SYNE2: variants seen among roughly 807,000 people sequenced by gnomAD.
SYNE2 encodes the protein spectrin repeat containing nuclear envelope protein 2, also known as nesprin-2.
A neutral mutation model predicts 856.3 loss-of-function variants in SYNE2; 431 were observed. That is an observed-to-expected ratio of 0.50 (90% CI 0.47 to 0.55). The LOEUF (loss-of-function observed/expected upper bound fraction) is 0.55. Ranked by LOEUF, SYNE2 falls within the 20% of genes least tolerant of loss-of-function variation. The pLI is 0.00. For synonymous variants in SYNE2, 2,923 were observed against 2,872.3 expected (o/e 1.02, Z -0.56); for missense variants, 8,129 against 8,023.2 (o/e 1.01, Z -0.50).
chr14:64,202,645 A>G (rs1152598), intron 99 of SYNE2, among the ~76,000 whole-genome samples, 156 bp from the exon 100 acceptor site: 2 of 152,124 alleles, frequency 1.3e-5, no homozygotes, highest in Admixed American at 1.3e-4. Context: ...ATCTGGTGAC[A>G]TGAGAGTTGT....
intron 78 of SYNE2, among the ~76,000 whole-genome samples, chr14:64,135,948 G>T (rs1379288248): frequency 6.6e-6 from 1 of 152,254 alleles, no homozygotes; most frequent in South Asian, 2.1e-4. Context: ...GTGTTCAAAT[G>T]CTGGCTCAGC....
chr14:63,992,883 C>G (rs2096679780), intron 21 of SYNE2, among the ~76,000 whole-genome samples: 1 of 152,186 alleles, frequency 6.6e-6, no homozygotes, highest in Non-Finnish European at 1.5e-5. Flanking sequence ...GCAGCCGGTC[C>G]ATAAAAATGT....
intron 1 of SYNE2, among the ~76,000 whole-genome samples, chr14:63,803,907 T>A (rs1888258680): frequency 6.6e-6 from 1 of 152,246 alleles, no homozygotes; most frequent in Non-Finnish European, 1.5e-5. Context: ...GGTCATTCGA[T>A]CATCAGGGCA....
chr14:63,842,131 C>T (rs1890087586), intron 1 of SYNE2, among the ~76,000 whole-genome samples: 1 of 150,276 alleles, frequency 6.7e-6, no homozygotes, highest in Non-Finnish European at 1.5e-5. Context: ...CCGCGCCTGG[C>T]CTTTTTTTGC....
rs1567063963 is a variant in SYNE2 at position 64,017,766 on chromosome 14, C to T, written c.5049+10C>T. 1 of 1,612,680 alleles carries T rather than the reference C, an allele frequency of 6.2e-7. No homozygotes were observed. Among genetic ancestry groups the T allele is most frequent in the Non-Finnish European group, 8.5e-7 (1 of 1,179,012 alleles). ...CAGAGAAAGGCTGAAGGTAATTTAA[C>T]AGATAAAATACATGCTTTTCTTGGT... On this transcript the variant is annotated intron_variant, in intron 34 of 115. Transcript: ENST00000555002.
intron 95 of SYNE2, among the ~76,000 whole-genome samples, chr14:64,176,424 A>G (rs1332032516): frequency 1.3e-5 from 2 of 152,232 alleles, no homozygotes; most frequent in African/African-American, 2.4e-5. Context: ...TATAATTACA[A>G]TGAGTTAATA....
chr14:63,851,368 AAACG>A (rs1890439752), upstream of SYNE2, among the ~76,000 whole-genome samples: 2 of 152,178 alleles, frequency 1.3e-5, no homozygotes, highest in African/African-American at 4.8e-5. Flanking sequence ...CTCAAAAAAC[AAACG>A]AACGAACAAA....
intron 1 of SYNE2, chr14:63,873,319 A>G (rs888786023): frequency 6.6e-6 from 1 of 152,032 alleles, no homozygotes; most frequent in African/African-American, 2.4e-5. Flanking sequence ...ATAAAGATTA[A>G]TTTCCCCATA....
chr14:64,091,948 C>T (rs1422412629), intron 60 of SYNE2, among the ~76,000 whole-genome samples: 1 of 151,900 alleles, frequency 6.6e-6, no homozygotes, highest in Non-Finnish European at 1.5e-5. Flanking sequence ...TTTTGGTGGC[C>T]ACTCTGTTCT....
intron 1 of SYNE2, among the ~76,000 whole-genome samples, chr14:63,902,911 C>T (rs1005812902): frequency 2.0e-5 from 3 of 152,052 alleles, no homozygotes; most frequent in African/African-American, 7.2e-5. Flanking sequence ...GTCCTGGTCT[C>T]AAGCAGTCCT....
chr14:63,861,944 A>G (rs375255024), intron 1 of SYNE2, among the ~76,000 whole-genome samples: 1 of 152,224 alleles, frequency 6.6e-6, no homozygotes, highest in African/African-American at 2.4e-5. Context: ...GATAATAGTA[A>G]AATGTACTAT....
At chr14:63,817,031 AC>A (rs1889019393) in intron 1 of SYNE2, among the ~76,000 whole-genome samples, 1 of 152,144 alleles carries the variant, frequency 6.6e-6, no homozygotes, top group South Asian at 2.1e-4. Flanking sequence ...ACAAGTGCAC[AC>A]CACCATGCCT....
rs2153606081 is a variant in SYNE2, at chr14:64,076,065, G to T, written c.10987G>T (p.Glu3663Ter). ...VPAEIESQVE[E>*]CRKALEDIDE... ...TGCAGAGATTGAATCCCAGGTGGAA[G>T]AATGCAGAAAAGCTTTAGAAGACAT... is the stretch of plus-strand genomic sequence containing the variant. The change falls in exon 54 of 116, where the codon GAA becomes TAA. Residue 3663 changes from glutamate to a stop codon, truncating the protein, a stop_gained. Coordinates refer to ENST00000555002, the MANE Select transcript of SYNE2 (RefSeq NM_182914.3). LOFTEE classifies it high-confidence loss of function. 9.3e-6 allele frequency: 15 copies of T among 1,613,868 alleles called. No individual in the cohort carries two copies. The highest frequency in any genetic ancestry group is 1.3e-5 in the Non-Finnish European group (15 of 1,179,836).
At chr14:64,020,270 T>C (rs2096926757) in intron 35 of SYNE2, among the ~76,000 whole-genome samples, 177 bp downstream of exon 35, 4 of 152,154 alleles carry the variant, frequency 2.6e-5, no homozygotes, top group Admixed American at 2.6e-4. Flanking sequence ...CTGGGCCATA[T>C]TGGAAGAAGA....
intron 45 of SYNE2, among the ~76,000 whole-genome samples, chr14:64,043,759 GC>G (rs2153565897): frequency 6.6e-6 from 1 of 152,366 alleles, no homozygotes; most frequent in African/African-American, 2.4e-5. Context: ...ACACCTGGAT[GC>G]CAAGACAGAA....
intron 1 of SYNE2, among the ~76,000 whole-genome samples, chr14:63,830,218 C>T (rs1889616526): frequency 6.8e-6 from 1 of 147,696 alleles, no homozygotes; most frequent in Non-Finnish European, 1.5e-5. Context: ...TGGCCTAGGA[C>T]AGGGAGTGGG....
In SYNE2 at chr14:64,065,656, T is replaced by G; in HGVS notation, c.10431+6T>G. 2 of 1,613,894 alleles carry G rather than the reference T, an allele frequency of 1.2e-6. No individual in the cohort carries two copies. Among genetic ancestry groups the G allele is most frequent in the Non-Finnish European group, 1.7e-6 (2 of 1,179,888 alleles). On this transcript the variant is annotated splice_donor_region_variant and intron_variant, in intron 51 of 115. Transcript: ENST00000555002. ...GGAAATTTGTCAGTGAAGAAGTGAGTGCTTCATTTTCAACAAACCATGTAG... is the reference window on the plus strand; with the variant it reads ...GGAAATTTGTCAGTGAAGAAGTGAGGGCTTCATTTTCAACAAACCATGTAG...
In SYNE2 at chr14:63,998,256, T is replaced by C. The variant is rs758197919; in HGVS notation, c.3281T>C (p.Val1094Ala). 7 of 1,613,950 alleles carry C rather than the reference T, an allele frequency of 4.3e-6. No individual in the cohort carries two copies. In the African/African-American group the frequency reaches 8.0e-5, roughly 18 times the overall value. ...ACTATGAAGTTTAGCCTGGCATCAGTGTTAAGGCCTCTGCAAGAAGAAAGC... is the reference window on the plus strand; with the variant it reads ...ACTATGAAGTTTAGCCTGGCATCAGCGTTAAGGCCTCTGCAAGAAGAAAGC... ...EPTMKFSLAS[V>A]LRPLQEESIM... is the part of the protein sequence containing the mutation. The change falls in exon 26 of 116, where the codon GTG (valine) becomes GCG (alanine). Residue 1094 changes from valine to alanine, a missense_variant. Val to Ala is a moderately conservative substitution (Grantham distance 64). Around this residue, in one of 3 missense-constraint regions of SYNE2, gnomAD observed 2,422 missense variants for 2,357.4 expected, o/e 1.03. Coordinates refer to ENST00000555002, the MANE Select transcript of SYNE2 (RefSeq NM_182914.3).
intron 112 of SYNE2, among the ~76,000 whole-genome samples, chr14:64,222,200 G>A (rs1228183806): frequency 6.6e-6 from 1 of 152,294 alleles, no homozygotes; most frequent in African/African-American, 2.4e-5. Context: ...CCATAAATCT[G>A]TATGTGGTTT....
Sources: gnomAD v4.1 joint callset for allele counts (sites outside exome capture counted in the v4.1 genomes callset) on GRCh38, gnomAD v4.1.1 for gene constraint, gnomAD v4.1.1 regional missense constraint, MANE v1.5 for transcripts, NCBI Gene and HGNC (gene_info 2026-07-23, HGNC 2026-07-21) for gene names.